PRKCA: variants seen among roughly 807,000 people sequenced by gnomAD.
PRKCA encodes protein kinase C alpha, also known as protein kinase C alpha type.
In PRKCA, 27 loss-of-function variants were observed where a neutral mutation model predicts 87.0. The observed-to-expected ratio is 0.31, with a 90% CI of 0.23 to 0.43. The LOEUF is 0.43. Among genes scored for constraint, PRKCA ranks in the 20% least tolerant of loss-of-function variants. The pLI is 1.00. For synonymous variants in PRKCA, 329 were observed against 311.1 expected (o/e 1.06, Z -0.61); for missense variants, 518 against 852.3 (o/e 0.61, Z 4.88).
intron 13 of PRKCA, among the ~76,000 whole-genome samples, chr17:66,748,905 C>T (rs1020913626): frequency 6.6e-6 from 1 of 151,982 alleles, no homozygotes; most frequent in African/African-American, 2.4e-5. Flanking sequence ...CTCTCAGCTT[C>T]AGGAGGAAGG....
At chr17:66,774,925 T>C (rs534472515) in intron 14 of PRKCA, 72 of 985,334 alleles carry the variant, frequency 7.3e-5, no homozygotes, top group Non-Finnish European at 8.6e-5. Flanking sequence ...TGATGTGACA[T>C]GTACCAGATA....
At chr17:66,314,959 ATG>A (rs1350365167) in intron 2 of PRKCA, among the ~76,000 whole-genome samples, 5 of 150,914 alleles carry the variant, frequency 3.3e-5, no homozygotes, top group African/African-American at 9.8e-5. Flanking sequence ...GTATGTATAT[ATG>A]TGTGTATATA....
Position 66,809,913 on chromosome 17 carries a change from T to G in PRKCA, c.*5876T>G, listed in dbSNP as rs1211194264. The G allele has an allele frequency of 6.6e-6, 1 of 152,134 alleles. No homozygotes were observed. Among genetic ancestry groups the G allele is most frequent in the Non-Finnish European group, 1.5e-5 (1 of 68,032 alleles). 9.4% of individuals were successfully genotyped at this position (152,134 alleles called of 1,614,324 possible). A position where few individuals can be genotyped will look rare whatever the true frequency, so the allele number is the denominator to read the frequency against. On this transcript the variant is annotated 3_prime_UTR_variant, in exon 17 of 17. Coordinates refer to ENST00000413366, the MANE Select transcript of PRKCA (RefSeq NM_002737.3). ...TGGCTCTGTGCCCAGACCCGCCTGGTCCCCAGGTCTCTCACCTTGGGTGAA... is the reference window on the plus strand; with the variant it reads ...TGGCTCTGTGCCCAGACCCGCCTGGGCCCCAGGTCTCTCACCTTGGGTGAA...
At position 66,792,345 on chromosome 17, in the gene PRKCA, A is replaced by G. The variant is rs1975561180; in HGVS notation, c.1854+3366A>G. On this transcript the variant is annotated intron_variant, in intron 16 of 16. Coordinates refer to ENST00000413366, the MANE Select transcript of PRKCA (RefSeq NM_002737.3). The surrounding 1 kb of genome is among the most constrained non-coding windows in gnomAD (Gnocchi z 4.5). ...CAGATCAGATTGAGCTTGTAGGATCAGGAGTCTATCATCTTTGTTTTATTA... is the reference window on the plus strand; with the variant it reads ...CAGATCAGATTGAGCTTGTAGGATCGGGAGTCTATCATCTTTGTTTTATTA... 6.6e-6 allele frequency among the ~76,000 whole-genome samples: 1 copy of G among 152,238 alleles called. No homozygotes were observed. Among genetic ancestry groups the G allele is most frequent in the South Asian group, 2.1e-4 (1 of 4,830 alleles).
intron 2 of PRKCA, among the ~76,000 whole-genome samples, chr17:66,446,724 G>A (rs1914056319): frequency 6.6e-6 from 1 of 152,136 alleles, no homozygotes; most frequent in South Asian, 2.1e-4. Context: ...TCAACGTCAG[G>A]AAGCTGAGGA....
chr17:66,583,323 A>G (rs1432403114), intron 3 of PRKCA, among the ~76,000 whole-genome samples: 1 of 152,152 alleles, frequency 6.6e-6, no homozygotes, highest in East Asian at 1.9e-4. Context: ...TCGTCTTTTT[A>G]ATAGCTGTAG....
At chr17:66,707,344 C>G (rs575144352) in intron 8 of PRKCA, among the ~76,000 whole-genome samples, 1 of 152,336 alleles carries the variant, frequency 6.6e-6, no homozygotes, top group Non-Finnish European at 1.5e-5. Flanking sequence ...CTCAGGCCCT[C>G]CTCTGAATAC....
intron 2 of PRKCA, among the ~76,000 whole-genome samples, chr17:66,414,205 GT>G (rs1911991924): frequency 6.6e-6 from 1 of 152,092 alleles, no homozygotes; most frequent in Non-Finnish European, 1.5e-5. Flanking sequence ...TGGAGGTGGG[GT>G]TTGGTGAGAG....
rs1451734870 is a variant in PRKCA, at chr17:66,803,253, C to G, written c.1855-620C>G. On this transcript the variant is annotated intron_variant, in intron 16 of 16. Coordinates refer to ENST00000413366, the MANE Select transcript of PRKCA (RefSeq NM_002737.3). This position sits in a 1 kb window ranked among gnomAD's most constrained non-coding sequence, Gnocchi z 4.4. ...GTCAGTCACCCAGCCTGCCCGCTGGCCAGCTCTGTCTAGGTGTGCTAAATC... is the reference window on the plus strand; with the variant it reads ...GTCAGTCACCCAGCCTGCCCGCTGGGCAGCTCTGTCTAGGTGTGCTAAATC... Among the ~76,000 whole-genome samples the G allele has an allele frequency of 6.6e-6, 1 of 152,182 alleles. No homozygotes were observed. The highest frequency in any genetic ancestry group is 1.5e-5 in the Non-Finnish European group (1 of 68,036).
intron 2 of PRKCA, among the ~76,000 whole-genome samples, chr17:66,430,579 G>A (rs1183535243): frequency 6.6e-6 from 1 of 151,992 alleles, no homozygotes; most frequent in Non-Finnish European, 1.5e-5. Context: ...CAGGTCCTTA[G>A]GGGGCCAGCC....
At chr17:66,367,868 A>G (rs1415754035) in intron 2 of PRKCA, among the ~76,000 whole-genome samples, 1 of 152,196 alleles carries the variant, frequency 6.6e-6, no homozygotes, top group Non-Finnish European at 1.5e-5. Context: ...GACCCTCTGC[A>G]AAATAGCTGC....
intron 3 of PRKCA, among the ~76,000 whole-genome samples, chr17:66,518,814 A>G (rs911368294): frequency 1.3e-5 from 2 of 152,158 alleles, no homozygotes; most frequent in Non-Finnish European, 2.9e-5. Context: ...TACTCTCCTC[A>G]TTCTCTTTCC....
intron 9 of PRKCA, among the ~76,000 whole-genome samples, chr17:66,735,182 A>AT (rs1691336895): frequency 6.6e-6 from 1 of 152,208 alleles, no homozygotes. Flanking sequence ...AATGTGCATT[A>AT]TTCCAGACTA....
At chr17:66,798,398 GTGGTGGTGA>G (rs1488074606) in intron 16 of PRKCA, among the ~76,000 whole-genome samples, 330 of 109,620 alleles carry the variant, frequency 3.0e-3, no homozygotes, top group African/African-American at 7.8e-3. Context: ...GGTGGTGGTG[GTGGTGGTGA>G]TGGTGATGGT....
chr17:66,458,473 T>A (rs7222321), intron 2 of PRKCA, among the ~76,000 whole-genome samples: 7,520 of 125,542 alleles, frequency 0.06, 624 homozygotes, highest in African/African-American at 0.21. Context: ...TTCTTTTTTA[T>A]CTCTTTATTT....
At chr17:66,337,580 T>C (rs1906780762) in intron 2 of PRKCA, among the ~76,000 whole-genome samples, 1 of 151,978 alleles carries the variant, frequency 6.6e-6, no homozygotes, top group African/African-American at 2.4e-5. Flanking sequence ...GAGATGAGGT[T>C]TCACTACGTT....
intron 9 of PRKCA, among the ~76,000 whole-genome samples, chr17:66,734,882 A>G (rs374958476): frequency 1.0e-5 from 1 of 100,386 alleles, no homozygotes. Flanking sequence ...CCAAAAAGCT[A>G]TAGTGGGTTC....
chr17:66,590,741 G>A (rs1321092346), intron 3 of PRKCA, among the ~76,000 whole-genome samples: 2 of 152,022 alleles, frequency 1.3e-5, no homozygotes, highest in East Asian at 1.9e-4. Context: ...TCCCAGCTAC[G>A]TGGGAGGCTG....
chr17:66,401,251 G>C (rs903854754), intron 2 of PRKCA, among the ~76,000 whole-genome samples: 1 of 152,232 alleles, frequency 6.6e-6, no homozygotes, highest in Non-Finnish European at 1.5e-5. Flanking sequence ...AGGTCAGCTT[G>C]TGACGTGGGA....
Sources: allele counts gnomAD v4.1 joint callset (sites outside exome capture counted in the v4.1 genomes callset), GRCh38; gene constraint gnomAD v4.1.1; non-coding constraint Gnocchi (gnomAD v3.1); transcripts MANE v1.5; gene names NCBI Gene and HGNC (gene_info 2026-07-23, HGNC 2026-07-21).